Variants in TAFA1 observed in about 807,000 individuals in gnomAD.
The protein encoded by TAFA1 is TAFA chemokine like family member 1.
In TAFA1, 4 loss-of-function variants were observed where a neutral mutation model predicts 18.5. The ratio of observed to expected loss-of-function variants is 0.22; its 90% CI spans 0.11 to 0.49. The LOEUF is 0.49. Among genes scored for constraint, TAFA1 ranks in the 20% least tolerant of loss-of-function variants. TAFA1 has a pLI of 0.98. For synonymous variants in TAFA1, 56 were observed against 55.2 expected, an observed-to-expected ratio of 1.01 and a Z score of -0.06; for missense variants, 147 against 169.0, an observed-to-expected ratio of 0.87 and a Z score of 0.72.
intron 3 of TAFA1, among the ~76,000 whole-genome samples, chr3:68,459,677 T>C (rs760473661): frequency 2.6e-5 from 4 of 152,218 alleles, no homozygotes; most frequent in African/African-American, 9.6e-5. Flanking sequence ...TTGAAACGAA[T>C]GATAAAATCA....
At chr3:68,027,489 A>G (rs889263695) in intron 2 of TAFA1, among the ~76,000 whole-genome samples, 1 of 152,166 alleles carries the variant, frequency 6.6e-6, no homozygotes, top group Non-Finnish European at 1.5e-5. Context: ...GTGGCCTAAG[A>G]CATGACTGGC....
intron 2 of TAFA1, among the ~76,000 whole-genome samples, chr3:68,411,431 C>T (rs2070715058): frequency 6.6e-6 from 1 of 152,188 alleles, no homozygotes; most frequent in Non-Finnish European, 1.5e-5. Flanking sequence ...GTTCAATCAT[C>T]TACCCATCTA....
intron 2 of TAFA1, among the ~76,000 whole-genome samples, chr3:68,314,529 T>C (rs1331807692): frequency 6.6e-6 from 1 of 152,210 alleles, no homozygotes; most frequent in Non-Finnish European, 1.5e-5. Context: ...ATTTTTCTTT[T>C]GATGGGATTG....
At chr3:68,401,682 T>G (rs1170584343) in intron 2 of TAFA1, among the ~76,000 whole-genome samples, 1 of 152,226 alleles carries the variant, frequency 6.6e-6, no homozygotes, top group Non-Finnish European at 1.5e-5. Flanking sequence ...GATCTCTTTG[T>G]GTGTAGCTTG....
At chr3:68,392,602 T>C (rs888381973) in intron 2 of TAFA1, among the ~76,000 whole-genome samples, 1 of 152,124 alleles carries the variant, frequency 6.6e-6, no homozygotes, top group African/African-American at 2.4e-5. Flanking sequence ...ACTGGCCACA[T>C]ACTTGGAAAT....
chr3:68,056,906 A>C (rs905972704), intron 2 of TAFA1, among the ~76,000 whole-genome samples: 2 of 152,136 alleles, frequency 1.3e-5, no homozygotes, highest in African/African-American at 4.8e-5. Context: ...GAAAATTAGC[A>C]TTTGTTACTG....
chr3:68,435,083 G>A (rs981183935), intron 3 of TAFA1, among the ~76,000 whole-genome samples: 1 of 152,138 alleles, frequency 6.6e-6, no homozygotes, highest in East Asian at 1.9e-4. Context: ...AGTGCTCTGA[G>A]AGCAGAGGTT....
At chr3:68,239,691 A>G (rs2066972792) in intron 2 of TAFA1, among the ~76,000 whole-genome samples, 1 of 152,188 alleles carries the variant, frequency 6.6e-6, no homozygotes, top group Non-Finnish European at 1.5e-5. Flanking sequence ...AGTTGCCAAA[A>G]CAATTAGCAG....
intron 2 of TAFA1, among the ~76,000 whole-genome samples, chr3:68,085,749 C>G (rs547085599): frequency 5.0e-4 from 76 of 152,312 alleles, no homozygotes; most frequent in Admixed American, 5.0e-3. Flanking sequence ...CCTAGCCACT[C>G]AGAGAGTAGG....
chr3:68,271,994 T>C (rs1177793495), intron 2 of TAFA1, among the ~76,000 whole-genome samples: 1 of 152,190 alleles, frequency 6.6e-6, no homozygotes, highest in African/African-American at 2.4e-5. Flanking sequence ...TAACTATAAA[T>C]AGATGCTCAG....
intron 2 of TAFA1, among the ~76,000 whole-genome samples, chr3:68,274,064 T>G (rs377740544): frequency 1.3e-5 from 2 of 152,176 alleles, no homozygotes; most frequent in African/African-American, 4.8e-5. Context: ...AAGAAATGAG[T>G]GCAAGTCTTA....
At chr3:68,349,963 A>G (rs566652367) in intron 2 of TAFA1, among the ~76,000 whole-genome samples, 5 of 152,226 alleles carry the variant, frequency 3.3e-5, no homozygotes, top group African/African-American at 9.6e-5. Context: ...ACTACTCCCT[A>G]TGAACTCCCA....
intron 2 of TAFA1, among the ~76,000 whole-genome samples, chr3:68,185,684 T>C (rs1575667311): frequency 6.6e-6 from 1 of 152,094 alleles, no homozygotes; most frequent in Non-Finnish European, 1.5e-5. Context: ...CCAAGCCAGA[T>C]AGCTCACTTG....
intron 2 of TAFA1, among the ~76,000 whole-genome samples, chr3:68,375,219 A>C (rs2069786367): frequency 6.6e-6 from 1 of 152,050 alleles, no homozygotes; most frequent in Non-Finnish European, 1.5e-5. Context: ...CAAAGGCAAG[A>C]GCTTGCTTTT....
intron 3 of TAFA1, among the ~76,000 whole-genome samples, chr3:68,447,132 C>T (rs2071483893): frequency 6.6e-6 from 1 of 152,118 alleles, no homozygotes; most frequent in African/African-American, 2.4e-5. Flanking sequence ...GAAAAGTGAG[C>T]TAGCATTTGT....
chr3:68,209,591 C>A (rs191193053), intron 2 of TAFA1, among the ~76,000 whole-genome samples: 1 of 151,994 alleles, frequency 6.6e-6, no homozygotes, highest in Admixed American at 6.6e-5. Flanking sequence ...TATATGTGTT[C>A]TCAGCAGTTT....
At chr3:68,215,292 G>A (rs1200003218) in intron 2 of TAFA1, among the ~76,000 whole-genome samples, 1 of 152,086 alleles carries the variant, frequency 6.6e-6, no homozygotes, top group African/African-American at 2.4e-5. Context: ...GAGAGTACAG[G>A]ATTTGGAGGT....
At chr3:68,414,758 A>C (rs915196063) in intron 2 of TAFA1, among the ~76,000 whole-genome samples, 3 of 152,164 alleles carry the variant, frequency 2.0e-5, no homozygotes, top group African/African-American at 7.2e-5. Context: ...TATTTAACTC[A>C]GTGCAGTAAC....
rs189876120 is a variant in TAFA1, at chr3:68,448,931, A to G, written c.259+31511A>G. Among the ~76,000 whole-genome samples, 283 of 152,312 alleles carry G rather than the reference A, an allele frequency of 1.9e-3. 1 individual carries two copies. Among genetic ancestry groups the G allele is most frequent in the Non-Finnish European group, 2.6e-3 (174 of 68,028 alleles). On this transcript the variant is annotated intron_variant, in intron 3 of 4. Coordinates refer to ENST00000478136, the MANE Select transcript of TAFA1 (RefSeq NM_213609.4). ...TCTAAGAGATCTTAATAACTGTTAGAGAAGCAGCCACAAGTTAGTATCAGA... is the reference window on the plus strand; with the variant it reads ...TCTAAGAGATCTTAATAACTGTTAGGGAAGCAGCCACAAGTTAGTATCAGA...
Sources: gnomAD v4.1 joint callset for allele counts (sites outside exome capture counted in the v4.1 genomes callset) on GRCh38, gnomAD v4.1.1 for gene constraint, MANE v1.5 for transcripts, NCBI Gene and HGNC (gene_info 2026-07-23, HGNC 2026-07-21) for gene names.